Variants in TMEM64 observed in about 807,000 individuals in gnomAD.
TMEM64 encodes the protein transmembrane protein 64.
TMEM64 carries 19 observed loss-of-function variants against 24.5 expected under a neutral mutation model. The observed-to-expected ratio is 0.78, with a 90% CI of 0.54 to 1.14. The LOEUF (loss-of-function observed/expected upper bound fraction) is 1.14. Among genes scored for constraint, TMEM64 ranks in the 50% most tolerant of loss-of-function variants. The pLI is 0.00. For synonymous variants in TMEM64, 262 were observed against 224.7 expected (o/e 1.17, Z -1.49); for missense variants, 487 against 493.0 (o/e 0.99, Z 0.12).
At position 90,628,064 on chromosome 8, in the gene TMEM64, T is replaced by A. The variant is rs926162447; in HGVS notation, c.952-2202A>T. Among the ~76,000 whole-genome samples, 3 of 152,216 alleles carry A rather than the reference T, an allele frequency of 2.0e-5. No individual in the cohort carries two copies. In the South Asian group the frequency reaches 6.2e-4, roughly 31 times the overall value. ...ACTTCTGATCCCAGGGCCTGACGAT[T>A]TGTACTGTCCCCCAACACACCTTCC... On this transcript the variant is annotated intron_variant, in intron 2 of 2. Coordinates refer to ENST00000458549, the MANE Select transcript of TMEM64 (RefSeq NM_001008495.4).
chr8:90,640,118 A>G (rs1056590328), intron 1 of TMEM64, among the ~76,000 whole-genome samples: 1 of 152,196 alleles, frequency 6.6e-6, no homozygotes, highest in African/African-American at 2.4e-5. Flanking sequence ...TGTTCATCCT[A>G]TCTGACCCTT....
intron 1 of TMEM64, among the ~76,000 whole-genome samples, chr8:90,633,281 T>C (rs1204564537): frequency 6.6e-6 from 1 of 152,204 alleles, no homozygotes; most frequent in Non-Finnish European, 1.5e-5. Flanking sequence ...AACTGATGTC[T>C]TCAGTCAATA....
chr8:90,635,853 G>C (rs1030447625), intron 1 of TMEM64, among the ~76,000 whole-genome samples: 1 of 152,138 alleles, frequency 6.6e-6, no homozygotes. Flanking sequence ...ATTTCAGAAT[G>C]CAACACTTCT....
At chr8:90,632,641 T>C (rs1249811994) in intron 1 of TMEM64, among the ~76,000 whole-genome samples, 8 of 152,200 alleles carry the variant, frequency 5.3e-5, no homozygotes, top group African/African-American at 1.9e-4. Context: ...TGTATTTTAG[T>C]ACAGACAGAG....
At position 90,645,781 on chromosome 8, in the gene TMEM64, G is replaced by T. The variant is rs185086305; in HGVS notation, c.125C>A (p.Pro42Gln). Reference protein sequence around the residue: ...ALPRGAGGDGPADRLPRGGGA... With the variant: ...ALPRGAGGDGQADRLPRGGGA... ...GCCCCCGCGGGGAAGGCGGTCCGCC[G>T]GGCCGTCCCCGCCCGCACCCCGCGG... The change falls in exon 1 of 3, where the codon CCG becomes CAG. Residue 42 changes from proline to glutamine, a missense_variant. Physicochemically the swap from Pro to Gln is moderately conservative, Grantham distance 76. Coordinates refer to ENST00000458549, the MANE Select transcript of TMEM64 (RefSeq NM_001008495.4). This position sits in a 1 kb window ranked among gnomAD's most constrained non-coding sequence, Gnocchi z 4.2. The T allele has an allele frequency of 3.4e-3, 3,456 of 1,020,190 alleles. 94 individuals carry two copies. The African/African-American group carries it at 0.054, about 16-fold the overall frequency. The allele number at this position is 1,020,190 out of a possible 1,614,324, so 63.2% of individuals were successfully genotyped here. A position where few individuals can be genotyped will look rare whatever the true frequency, so the allele number is the denominator to read the frequency against.
Position 90,624,625 on chromosome 8 carries a change from G to C in TMEM64, c.*1046C>G, listed in dbSNP as rs1809327758. On this transcript the variant is annotated 3_prime_UTR_variant, in exon 3 of 3. Coordinates refer to ENST00000458549, the MANE Select transcript of TMEM64 (RefSeq NM_001008495.4). Reference sequence around the variant, plus strand: ...AAACACAATAAACCTACTTAAAGTAGGGCAAATAACAAAATTTGGGCATAT... The same window carrying C: ...AAACACAATAAACCTACTTAAAGTACGGCAAATAACAAAATTTGGGCATAT... 6.6e-6 allele frequency: 1 copy of C among 152,352 alleles called. No individual in the cohort carries two copies. The highest frequency in any genetic ancestry group is 6.6e-5 in the Admixed American group (1 of 15,250). The allele number at this position is 152,352 out of a possible 1,614,324, so 9.4% of individuals were successfully genotyped here. A position where few individuals can be genotyped will look rare whatever the true frequency, so the allele number is the denominator to read the frequency against.
intron 1 of TMEM64, among the ~76,000 whole-genome samples, chr8:90,641,183 A>G (rs73301578): frequency 0.1 from 15,352 of 152,156 alleles, 1,182 homozygotes; most frequent in African/African-American, 0.22. Context: ...AGCACCAGGT[A>G]GTAAACAGTT....
At position 90,645,722 on chromosome 8, in the gene TMEM64, A is replaced by T; in HGVS notation, c.184T>A (p.Ser62Thr). 8.4e-7 allele frequency: 1 copy of T among 1,184,460 alleles called. No homozygotes were observed. Among genetic ancestry groups the T allele is most frequent in the Non-Finnish European group, 1.0e-6 (1 of 959,400 alleles). 73.4% of individuals were successfully genotyped at this position (1,184,460 alleles called of 1,614,324 possible). A position where few individuals can be genotyped will look rare whatever the true frequency, so the allele number is the denominator to read the frequency against. The stretch of plus-strand genomic sequence containing the variant: ...AGATAGGCGCCGAGCAGGGCGCCCG[A>T]GGCCGCCGCTGCTGCCGCCGCCGCG... The part of the protein sequence containing the change: ...ASAAAAAAAA[S>T]GALLGAYLER... The change falls in exon 1 of 3, where the codon TCG becomes ACG. Residue 62 changes from serine (S) to threonine (T), a missense_variant. By Grantham distance (58) the Ser-to-Thr change is moderately conservative (BLOSUM62 1). Transcript: ENST00000458549. The surrounding 1 kb of genome is among the most constrained non-coding windows in gnomAD (Gnocchi z 4.2).
intron 2 of TMEM64, among the ~76,000 whole-genome samples, chr8:90,626,912 G>T (rs1809369053): frequency 6.6e-6 from 1 of 152,170 alleles, no homozygotes; most frequent in Admixed American, 6.5e-5. Flanking sequence ...ACAGGCATGA[G>T]CCACAGTGCC....
Position 90,622,358 on chromosome 8 carries a change from T to C in TMEM64, c.*3313A>G, listed in dbSNP as rs1389254058. The C allele has an allele frequency of 6.6e-6, 1 of 152,240 alleles. No homozygotes were observed. The highest frequency in any genetic ancestry group is 1.5e-5 in the Non-Finnish European group (1 of 68,044). The allele number at this position is 152,240 out of a possible 1,614,324, so 9.4% of individuals were successfully genotyped here. A position where few individuals can be genotyped will look rare whatever the true frequency, so the allele number is the denominator to read the frequency against. On this transcript the variant is annotated 3_prime_UTR_variant, in exon 3 of 3. Coordinates refer to ENST00000458549, the MANE Select transcript of TMEM64 (RefSeq NM_001008495.4). The stretch of plus-strand genomic sequence containing the variant: ...CCAATCTAAAAATCAGATAGTGTTA[T>C]ACTGAACATCATTCTGATATAATGA...
intron 2 of TMEM64, among the ~76,000 whole-genome samples, chr8:90,631,044 C>A (rs972475989): frequency 2.0e-5 from 3 of 152,090 alleles, no homozygotes; most frequent in Admixed American, 6.5e-5. Flanking sequence ...TAATAGAAAA[C>A]CTTAGACATT....
rs1049986326 is a variant in TMEM64 at position 90,631,564 on chromosome 8, A to G, written c.939T>C (p.Val313=). 6.3e-7 allele frequency: 1 copy of G among 1,594,682 alleles called. No individual in the cohort carries two copies. The highest frequency in any genetic ancestry group is 1.3e-5 in the African/African-American group (1 of 74,772). ...IAEQSVSGYF[V]FCLQIIISIG... is the part of the protein sequence containing the mutation. Reference sequence around the variant, plus strand: ...GCCTTAAACTCACCTGTAAACAAAAAACAAAATATCCACTAACACTCTGTT... The same window carrying G: ...GCCTTAAACTCACCTGTAAACAAAAGACAAAATATCCACTAACACTCTGTT... Residue 313 remains valine (V), a synonymous_variant, in exon 2 of 3, where the codon GTT becomes GTC. Coordinates refer to ENST00000458549, the MANE Select transcript of TMEM64 (RefSeq NM_001008495.4).
At chr8:90,643,598 C>T (rs73301580) in intron 1 of TMEM64, among the ~76,000 whole-genome samples, 266 of 152,228 alleles carry the variant, frequency 1.7e-3, no homozygotes, top group African/African-American at 6.2e-3. Context: ...GGTAGATGGA[C>T]AAGAAAAGGC....
chr8:90,627,755 T>A (rs1171000535), intron 2 of TMEM64, among the ~76,000 whole-genome samples: 1 of 151,656 alleles, frequency 6.6e-6, no homozygotes, highest in Non-Finnish European at 1.5e-5. Flanking sequence ...AAAACACAGA[T>A]ATAAGGGGTG....
At chr8:90,639,563 T>C (rs942437066) in intron 1 of TMEM64, among the ~76,000 whole-genome samples, 1 of 152,176 alleles carries the variant, frequency 6.6e-6, no homozygotes, top group Non-Finnish European at 1.5e-5. Context: ...GACCCAGTTC[T>C]AAGCAGAATA....
At chr8:90,628,646 A>T (rs1402943833) in intron 2 of TMEM64, among the ~76,000 whole-genome samples, 1 of 152,212 alleles carries the variant, frequency 6.6e-6, no homozygotes, top group Non-Finnish European at 1.5e-5. Flanking sequence ...GTAGATACAT[A>T]GAAAAATAAC....
chr8:90,644,413 A>G (rs1459016501), intron 1 of TMEM64, among the ~76,000 whole-genome samples: 1 of 152,242 alleles, frequency 6.6e-6, no homozygotes, highest in African/African-American at 2.4e-5. Context: ...TAAGCAAAAC[A>G]TATGAATACA....
rs13262354 is a variant in TMEM64 at position 90,623,503 on chromosome 8, G to A, written c.*2168C>T. 0.38 allele frequency: 57,470 copies of A among 152,198 alleles called. 11,447 individuals are homozygous for A. Among genetic ancestry groups the A allele is most frequent in the East Asian group, 0.72 (3,724 of 5,180 alleles). The allele number at this position is 152,198 out of a possible 1,614,324, so 9.4% of individuals were successfully genotyped here. A position where few individuals can be genotyped will look rare whatever the true frequency, so the allele number is the denominator to read the frequency against. On this transcript the variant is annotated 3_prime_UTR_variant, in exon 3 of 3. Transcript: ENST00000458549. ...AATGCTGAAGAAAAGAAAAACCACA[G>A]CCACAGATTGGTATTTTAGAAACAG...
intron 1 of TMEM64, among the ~76,000 whole-genome samples, chr8:90,633,557 T>C (rs1312287310): frequency 3.9e-5 from 6 of 152,226 alleles, no homozygotes; most frequent in African/African-American, 4.8e-5. Context: ...TCTGGTAGGA[T>C]AGATCACTAG....
Sources: allele counts gnomAD v4.1 joint callset (sites outside exome capture counted in the v4.1 genomes callset), GRCh38; gene constraint gnomAD v4.1.1; non-coding constraint Gnocchi (gnomAD v3.1); transcripts MANE v1.5; gene names NCBI Gene and HGNC (gene_info 2026-07-23, HGNC 2026-07-21).